Variants in TIAM2 observed in about 807,000 individuals in gnomAD.
The protein encoded by TIAM2 is TIAM Rac1 associated GEF 2, also known as rho guanine nucleotide exchange factor TIAM2.
Under a neutral mutation model 152.9 loss-of-function variants are expected in TIAM2, and 80 were observed. The observed-to-expected ratio is 0.52, with a 90% CI of 0.44 to 0.63. The LOEUF (loss-of-function observed/expected upper bound fraction) is 0.63. TIAM2 is among the 30% of genes least tolerant of loss of function. TIAM2 has a pLI of 0.00. For synonymous variants in TIAM2, 804 were observed against 838.0 expected (o/e 0.96, Z 0.70); for missense variants, 1,965 against 2,120.1 (o/e 0.93, Z 1.44).
At chr6:155,196,680 T>C (rs918548421) in intron 14 of TIAM2, among the ~76,000 whole-genome samples, 2 of 152,206 alleles carry the variant, frequency 1.3e-5, no homozygotes, top group African/African-American at 2.4e-5. Flanking sequence ...TGTCCACTCA[T>C]AGTGTAAGGC....
chr6:155,160,437 T>C (rs1032167762), intron 7 of TIAM2, among the ~76,000 whole-genome samples: 7 of 152,106 alleles, frequency 4.6e-5, no homozygotes, highest in Admixed American at 1.3e-4. Flanking sequence ...TGTTAATATC[T>C]CCCAGAACAT....
At chr6:155,065,579 A>T (rs1332503519) in intron 1 of TIAM2, among the ~76,000 whole-genome samples, 1 of 151,930 alleles carries the variant, frequency 6.6e-6, no homozygotes, top group Admixed American at 6.6e-5. Flanking sequence ...GGAGTTCGAG[A>T]CCAGCCTGGC....
At chr6:155,088,712 A>G (rs543787846) in intron 1 of TIAM2, among the ~76,000 whole-genome samples, 153 of 152,354 alleles carry the variant, frequency 1.0e-3, no homozygotes, top group African/African-American at 3.4e-3. Flanking sequence ...TGTCCAACCC[A>G]TGGCCTGTGG....
rs1784064681 is a variant in TIAM2 at position 155,256,737 on chromosome 6, C to G, written c.4722C>G (p.Asp1574Glu). The change falls in exon 27 of 27, where the codon GAC (aspartate) becomes GAG (glutamate). Residue 1574 changes from aspartate (D) to glutamate (E), a missense_variant. Around this residue, in one of 3 missense-constraint regions of TIAM2, gnomAD observed 935 missense variants for 980.0 expected, o/e 0.95. Transcript: ENST00000682666. ...ACATCCTGAGCGATGAAGATGATGA[C>G]CACCGTCAGACTGTGAAGCAGGGCA... ...ESDILSDEDD[D>E]HRQTVKQGSP... The G allele has an allele frequency of 6.2e-7, 1 of 1,614,100 alleles. No homozygotes were observed. The highest frequency in any genetic ancestry group is 1.1e-5 in the South Asian group (1 of 91,084).
At chr6:155,112,892 C>T (rs191343689) in intron 2 of TIAM2, among the ~76,000 whole-genome samples, 221 of 151,892 alleles carry the variant, frequency 1.5e-3, no homozygotes, top group African/African-American at 5.0e-3. Context: ...TACCACCCCC[C>T]TCCCTTACCA....
At chr6:155,099,474 A>G (rs1408952986) in intron 2 of TIAM2, among the ~76,000 whole-genome samples, 1 of 152,088 alleles carries the variant, frequency 6.6e-6, no homozygotes, top group Non-Finnish European at 1.5e-5. Context: ...AAAATGTTAA[A>G]AATTTATCTT....
intron 1 of TIAM2, among the ~76,000 whole-genome samples, chr6:155,089,414 C>T (rs1778248698): frequency 6.6e-6 from 1 of 152,134 alleles, no homozygotes; most frequent in South Asian, 2.1e-4. Context: ...ACCGTACTGG[C>T]CAGAGTGGTC....
At chr6:155,192,605 A>G (rs1202505764) in intron 14 of TIAM2, among the ~76,000 whole-genome samples, 3 of 151,720 alleles carry the variant, frequency 2.0e-5, no homozygotes, top group Non-Finnish European at 2.9e-5. Flanking sequence ...TGTAAACACA[A>G]TAAACATTCT....
intron 2 of TIAM2, among the ~76,000 whole-genome samples, chr6:155,091,131 A>C (rs1383706220): frequency 6.6e-6 from 1 of 152,040 alleles, no homozygotes; most frequent in Non-Finnish European, 1.5e-5. Context: ...TGATTGCTTC[A>C]TGCTTTTTGG....
chr6:155,105,661 TGCC>T (rs1778669306), intron 2 of TIAM2, among the ~76,000 whole-genome samples: 1 of 151,830 alleles, frequency 6.6e-6, no homozygotes, highest in South Asian at 2.1e-4. Flanking sequence ...CTCCCTATGT[TGCC>T]CAGGCTGGTC....
In TIAM2 at chr6:155,163,766, G is replaced by T. The variant is rs907669089; in HGVS notation, c.2029-649G>T. Among the ~76,000 whole-genome samples, 3 of 152,186 alleles carry T rather than the reference G, an allele frequency of 2.0e-5. No homozygotes were observed. In the East Asian group the frequency reaches 5.8e-4, roughly 29 times the overall value. ...GTTTAGGATCAGGGACTGTAAATGT[G>T]AAGGGAAATGAAGCAAAGTGAAAAA... On this transcript the variant is annotated intron_variant, in intron 7 of 26. Transcript: ENST00000682666.
chr6:155,028,098 T>C (rs185415439), intron 1 of TIAM2, among the ~76,000 whole-genome samples: 5,560 of 99,834 alleles, frequency 0.056, 464 homozygotes, highest in East Asian at 0.13. Context: ...ATATATACTA[T>C]ATATAATATA....
Position 155,240,604 on chromosome 6 carries a change from G to C in TIAM2, c.3243G>C (p.Glu1081Asp), listed in dbSNP as rs769670414. 6.2e-7 allele frequency: 1 copy of C among 1,614,036 alleles called. No individual in the cohort carries two copies. Among genetic ancestry groups the C allele is most frequent in the Non-Finnish European group, 8.5e-7 (1 of 1,180,050 alleles). ...CCAACGGCATGGAAGGACCGCGGGA[G>C]AATCAGGATCCTCCTCCGAGGTCTC... Reference protein sequence around the residue: ...SQANGMEGPRENQDPPPRSLA... With the variant: ...SQANGMEGPRDNQDPPPRSLA... The change falls in exon 16 of 27, where the codon GAG becomes GAC. Residue 1081 changes from glutamate to aspartate, a missense_variant. Transcript: ENST00000682666.
rs1040786223 is a variant in TIAM2, at chr6:155,244,134, C to T, written c.3417+55C>T. Reference sequence around the variant, plus strand: ...TGATCCACAGGTTAGTCTCTGTTTGCCTTTTAGCAGAACTCCTATGAGAGT... The same window carrying T: ...TGATCCACAGGTTAGTCTCTGTTTGTCTTTTAGCAGAACTCCTATGAGAGT... On this transcript the variant is annotated intron_variant, in intron 17 of 26. Transcript: ENST00000682666. 3 of 1,509,832 alleles carry T rather than the reference C, an allele frequency of 2.0e-6. No homozygotes were observed. In the African/African-American group the frequency reaches 4.1e-5, roughly 21 times the overall value. 93.5% of individuals were successfully genotyped at this position (1,509,832 alleles called of 1,614,324 possible). A position where few individuals can be genotyped will look rare whatever the true frequency, so the allele number is the denominator to read the frequency against.
At chr6:155,056,654 A>G (rs966219377) in intron 1 of TIAM2, among the ~76,000 whole-genome samples, 14 of 152,138 alleles carry the variant, frequency 9.2e-5, no homozygotes, top group Non-Finnish European at 1.6e-4. Flanking sequence ...ATTGTAGAAC[A>G]ATTTTAGATT....
At chr6:155,118,713 G>A (rs915173885) in intron 2 of TIAM2, among the ~76,000 whole-genome samples, 10 of 151,942 alleles carry the variant, frequency 6.6e-5, no homozygotes, top group African/African-American at 2.4e-4. Context: ...GCGATTACAG[G>A]CGTGAGCCAC....
chr6:155,153,814 G>T (rs1178979986), intron 7 of TIAM2, among the ~76,000 whole-genome samples: 3 of 151,932 alleles, frequency 2.0e-5, no homozygotes, highest in Non-Finnish European at 4.4e-5. Context: ...TAGAGATGGG[G>T]TTTCACCATG....
At chr6:155,045,170 G>C (rs1415502340) in intron 1 of TIAM2, among the ~76,000 whole-genome samples, 1 of 150,768 alleles carries the variant, frequency 6.6e-6, no homozygotes, top group African/African-American at 2.4e-5. Context: ...GTGTTCACAC[G>C]ATTCTCCTGC....
Position 155,257,024 on chromosome 6 carries a change from T to A in TIAM2, c.5009T>A (p.Leu1670Gln), listed in dbSNP as rs1451430594. ...DSQSENATIDLNSVLEREFSV... is the reference protein window; with the variant it reads ...DSQSENATIDQNSVLEREFSV... ...CAGTCTGAAAATGCCACCATCGACC[T>A]AAATTCTGTTCTAGAGCGAGAATTC... is the stretch of plus-strand genomic sequence containing the variant. The change falls in exon 27 of 27, where the codon CTA becomes CAA. Residue 1670 changes from leucine to glutamine, a missense_variant. Physicochemically the swap from Leu to Gln is moderately radical, Grantham distance 113. Around this residue, in one of 3 missense-constraint regions of TIAM2, gnomAD observed 935 missense variants for 980.0 expected, o/e 0.95. Transcript: ENST00000682666. The A allele has an allele frequency of 5.0e-6, 8 of 1,614,060 alleles. No homozygotes were observed. The highest frequency in any genetic ancestry group is 3.3e-5 in the Admixed American group (2 of 60,004).
Sources: gnomAD v4.1 joint callset for allele counts (sites outside exome capture counted in the v4.1 genomes callset) on GRCh38, gnomAD v4.1.1 for gene constraint, gnomAD v4.1.1 regional missense constraint, MANE v1.5 for transcripts, NCBI Gene and HGNC (gene_info 2026-07-23, HGNC 2026-07-21) for gene names.